Variants in IL1RAPL2 observed in about 807,000 individuals in gnomAD.
IL1RAPL2 encodes the protein interleukin 1 receptor accessory protein like 2, also known as X-linked interleukin-1 receptor accessory protein-like 2.
Under a neutral mutation model 44.1 loss-of-function variants are expected in IL1RAPL2, and 3 were observed. The ratio of observed to expected loss-of-function variants is 0.07; its 90% CI spans 0.03 to 0.18. The LOEUF (loss-of-function observed/expected upper bound fraction) is 0.18. IL1RAPL2 is among the 10% of genes least tolerant of loss of function. The probability of loss-of-function intolerance (pLI) is 1.00; values close to 1 mark genes in which losing one functional copy is unlikely to be tolerated. For missense variants in IL1RAPL2, 391 were observed against 496.4 expected (o/e 0.79, Z 2.02); for synonymous variants, 181 against 178.8 (o/e 1.01, Z -0.10).
chrX:104,625,120 AT>A (rs1173404365), intron 1 of IL1RAPL2, among the ~76,000 whole-genome samples: 1 of 111,381 alleles, frequency 9.0e-6, no homozygotes, highest in Non-Finnish European at 1.9e-5. Context: ...CTTTGAACTT[AT>A]CCCTCCCTCA....
intron 6 of IL1RAPL2, among the ~76,000 whole-genome samples, chrX:105,554,790 G>A (rs2036885054): frequency 9.0e-6 from 1 of 111,212 alleles, no homozygotes; most frequent in African/African-American, 3.3e-5. Flanking sequence ...TATCTGTTAT[G>A]TTCATATTTT....
At chrX:104,930,666 A>G (rs1229041636) in intron 2 of IL1RAPL2, among the ~76,000 whole-genome samples, 2 of 111,891 alleles carry the variant, frequency 1.8e-5, no homozygotes, top group African/African-American at 6.5e-5. Context: ...CAGAGTTCAC[A>G]AAACTCTTAC....
At chrX:104,673,574 G>A (rs1487009294) in intron 2 of IL1RAPL2, among the ~76,000 whole-genome samples, 7 of 110,850 alleles carry the variant, frequency 6.3e-5, no homozygotes, top group African/African-American at 2.0e-4. Flanking sequence ...TTGATTTGGC[G>A]ATGTGGGCTC....
In IL1RAPL2 at chrX:104,734,563, C is replaced by T. The variant is rs754306698; in HGVS notation, c.82+75568C>T. Among the ~76,000 whole-genome samples, 3 of 111,904 alleles carry T rather than the reference C, an allele frequency of 2.7e-5. No individual in the cohort carries two copies. The East Asian group carries it at 8.5e-4, about 32-fold the overall frequency. On this transcript the variant is annotated intron_variant, in intron 2 of 10. Coordinates refer to ENST00000372582, the MANE Select transcript of IL1RAPL2 (RefSeq NM_017416.2). ...AGTCTCAAAAGGCTGCATATTGTATCATTTTGTTTATATGACATTCTGAAG... is the reference window on the plus strand; with the variant it reads ...AGTCTCAAAAGGCTGCATATTGTATTATTTTGTTTATATGACATTCTGAAG...
chrX:105,478,176 G>C (rs993248205), intron 5 of IL1RAPL2, among the ~76,000 whole-genome samples: 33 of 110,124 alleles, frequency 3.0e-4, no homozygotes, highest in African/African-American at 1.0e-3. Flanking sequence ...CTTTAGGACA[G>C]TGGTTATTAA....
chrX:104,736,095 C>T (rs1301084219), intron 2 of IL1RAPL2, among the ~76,000 whole-genome samples: 1 of 111,362 alleles, frequency 9.0e-6, no homozygotes, highest in South Asian at 3.8e-4. Flanking sequence ...GCCCTAACTT[C>T]TCTTCCACAC....
intron 6 of IL1RAPL2, among the ~76,000 whole-genome samples, chrX:105,644,657 C>T (rs367760356): frequency 2.7e-5 from 3 of 110,236 alleles, no homozygotes; most frequent in Admixed American, 9.6e-5. Context: ...GTGCAGAACG[C>T]GCAGGTTTGT....
At chrX:105,686,610 A>T (rs2147527822) in intron 6 of IL1RAPL2, among the ~76,000 whole-genome samples, 1 of 110,709 alleles carries the variant, frequency 9.0e-6, no homozygotes, top group South Asian at 3.9e-4. Context: ...TTAGATGCCC[A>T]CACAATAATA....
At chrX:105,330,032 T>C (rs1053417927) in intron 5 of IL1RAPL2, among the ~76,000 whole-genome samples, 23 of 111,333 alleles carry the variant, frequency 2.1e-4, no homozygotes, top group African/African-American at 7.5e-4. Flanking sequence ...ACCAGCAGCA[T>C]TGGCATCTCC....
At chrX:105,186,449 G>A (rs1325954710) in intron 2 of IL1RAPL2, among the ~76,000 whole-genome samples, 1 of 111,682 alleles carries the variant, frequency 9.0e-6, no homozygotes, top group African/African-American at 3.3e-5. Context: ...GGAAAGAGCT[G>A]GCTGAGCAAA....
intron 2 of IL1RAPL2, among the ~76,000 whole-genome samples, chrX:105,153,950 A>T (rs2033248941): frequency 9.0e-6 from 1 of 111,340 alleles, no homozygotes; most frequent in Non-Finnish European, 1.9e-5. Flanking sequence ...AGGGAAAGAG[A>T]TTCTTTCTCT....
At chrX:105,305,858 T>C (rs1172473059) in intron 5 of IL1RAPL2, among the ~76,000 whole-genome samples, 1 of 111,672 alleles carries the variant, frequency 9.0e-6, no homozygotes, top group African/African-American at 3.3e-5. Flanking sequence ...CTATTCTTTT[T>C]CCCCTTTCTC....
chrX:104,876,856 T>C (rs1233803318), intron 2 of IL1RAPL2, among the ~76,000 whole-genome samples: 8 of 109,056 alleles, frequency 7.3e-5, no homozygotes, highest in African/African-American at 1.0e-4. Flanking sequence ...ATTAGGTATA[T>C]CTCCCAATGC....
chrX:105,569,347 G>T (rs974704249), intron 6 of IL1RAPL2, among the ~76,000 whole-genome samples: 1 of 111,832 alleles, frequency 8.9e-6, no homozygotes, highest in African/African-American at 3.2e-5. Context: ...CTCATGACTT[G>T]CAGTCTTACA....
intron 2 of IL1RAPL2, among the ~76,000 whole-genome samples, chrX:104,826,374 G>T (rs1185507710): frequency 9.0e-6 from 1 of 111,308 alleles, no homozygotes; most frequent in Non-Finnish European, 1.9e-5. Flanking sequence ...TTATTTACCC[G>T]GTAGTCATTC....
At chrX:105,171,689 T>C (rs1190990852) in intron 2 of IL1RAPL2, among the ~76,000 whole-genome samples, 1 of 91,700 alleles carries the variant, frequency 1.1e-5, no homozygotes, top group Non-Finnish European at 2.0e-5. Context: ...ACTCAAATAG[T>C]CAAAAACTGC....
At chrX:104,887,442 G>T (rs911957094) in intron 2 of IL1RAPL2, among the ~76,000 whole-genome samples, 1 of 112,104 alleles carries the variant, frequency 8.9e-6, no homozygotes, top group Non-Finnish European at 1.9e-5. Flanking sequence ...GTAGCAAAAA[G>T]CTGGCCTCAC....
chrX:104,918,263 A>G (rs191430217), intron 2 of IL1RAPL2, among the ~76,000 whole-genome samples: 75 of 111,497 alleles, frequency 6.7e-4, no homozygotes, highest in African/African-American at 2.3e-3. Flanking sequence ...GTTTCCTACT[A>G]TAGTAACCTT....
intron 2 of IL1RAPL2, among the ~76,000 whole-genome samples, chrX:105,116,040 C>T (rs775364979): frequency 2.6e-5 from 3 of 113,269 alleles, no homozygotes; most frequent in Admixed American, 1.8e-4. Flanking sequence ...CCAGAACTTG[C>T]GCTGGCCTGC....
Sources: allele counts gnomAD v4.1 joint callset (sites outside exome capture counted in the v4.1 genomes callset), GRCh38; gene constraint gnomAD v4.1.1; transcripts MANE v1.5; gene names NCBI Gene and HGNC (gene_info 2026-07-23, HGNC 2026-07-21).